NELL1: variants seen among roughly 807,000 people sequenced by gnomAD.
The protein encoded by NELL1 is protein kinase C-binding protein NELL1.
A neutral mutation model predicts 107.4 loss-of-function variants in NELL1; 76 were observed. The ratio of observed to expected loss-of-function variants is 0.71; its 90% CI spans 0.59 to 0.86. NELL1 has a LOEUF of 0.86. NELL1 is among the 40% of genes least tolerant of loss of function. The probability of loss-of-function intolerance (pLI) is 0.00; values close to 1 mark genes in which losing one functional copy is unlikely to be tolerated. For missense variants in NELL1, 1,024 were observed against 1,005.5 expected, an observed-to-expected ratio of 1.02 and a Z score of -0.25; for synonymous variants, 353 against 341.2, an observed-to-expected ratio of 1.03 and a Z score of -0.38.
At chr11:21,066,425 A>T (rs1200409648) in intron 12 of NELL1, among the ~76,000 whole-genome samples, 2 of 152,210 alleles carry the variant, frequency 1.3e-5, no homozygotes, top group Non-Finnish European at 2.9e-5. Flanking sequence ...TAAATACAAC[A>T]TAAAAAAGTA....
intron 13 of NELL1, among the ~76,000 whole-genome samples, chr11:21,147,709 G>A (rs1430138871): frequency 6.6e-6 from 1 of 151,626 alleles, no homozygotes. Flanking sequence ...GGTGGTGCAT[G>A]CCTGTAATCC....
chr11:21,023,424 C>A (rs1474866830), intron 12 of NELL1, among the ~76,000 whole-genome samples: 1 of 152,028 alleles, frequency 6.6e-6, no homozygotes, highest in African/African-American at 2.4e-5. Context: ...TATTTTGATT[C>A]AAAATTATGT....
At chr11:21,359,746 C>T (rs1037623116) in intron 14 of NELL1, among the ~76,000 whole-genome samples, 6 of 152,086 alleles carry the variant, frequency 3.9e-5, no homozygotes, top group African/African-American at 1.4e-4. Flanking sequence ...GGAACTTATC[C>T]ATCTCCTCTA....
chr11:21,431,855 A>G (rs1443158709), intron 15 of NELL1, among the ~76,000 whole-genome samples: 3 of 152,048 alleles, frequency 2.0e-5, no homozygotes, highest in African/African-American at 7.2e-5. Context: ...GAGTAAAGTT[A>G]AGCATGTATG....
At chr11:20,866,150 C>T (rs747182471) in intron 4 of NELL1, among the ~76,000 whole-genome samples, 4 of 152,290 alleles carry the variant, frequency 2.6e-5, no homozygotes, top group African/African-American at 4.8e-5. Context: ...CTCTGTGATG[C>T]GCAAGGAGCT....
intron 2 of NELL1, among the ~76,000 whole-genome samples, chr11:20,763,935 C>T (rs1314075719): frequency 6.6e-6 from 1 of 152,220 alleles, no homozygotes; most frequent in Non-Finnish European, 1.5e-5. Flanking sequence ...AGCCAGGTAA[C>T]AGCTGAGTGA....
chr11:21,072,405 T>G (rs1854036902), intron 12 of NELL1, among the ~76,000 whole-genome samples: 1 of 152,196 alleles, frequency 6.6e-6, no homozygotes, highest in African/African-American at 2.4e-5. Context: ...TCTCTGGGTT[T>G]TATTTACAAT....
At chr11:21,569,943 C>T (rs924106710) in intron 17 of NELL1, among the ~76,000 whole-genome samples, 1 of 151,702 alleles carries the variant, frequency 6.6e-6, no homozygotes, top group African/African-American at 2.4e-5. Flanking sequence ...TGATGACAGA[C>T]AGGTCTTACC....
At chr11:21,066,528 T>C (rs1435952222) in intron 12 of NELL1, among the ~76,000 whole-genome samples, 2 of 152,230 alleles carry the variant, frequency 1.3e-5, no homozygotes, top group African/African-American at 4.8e-5. Context: ...AGTTAATTTA[T>C]TTCTCTCTGT....
chr11:21,481,843 C>T (rs570215418), intron 15 of NELL1, among the ~76,000 whole-genome samples: 1 of 152,250 alleles, frequency 6.6e-6, no homozygotes, highest in South Asian at 2.1e-4. Flanking sequence ...AAAGAGTATG[C>T]CATAGCTCCG....
intron 4 of NELL1, among the ~76,000 whole-genome samples, chr11:20,880,937 C>T (rs1419126139): frequency 3.3e-5 from 5 of 152,018 alleles, no homozygotes; most frequent in East Asian, 1.9e-4. Context: ...AATTATTTTT[C>T]GGTGGGGTGG....
chr11:21,320,967 G>C (rs748884855), intron 14 of NELL1, among the ~76,000 whole-genome samples: 1 of 152,196 alleles, frequency 6.6e-6, no homozygotes. Flanking sequence ...ATATGCAAAT[G>C]TGTGCCTGGA....
chr11:21,358,682 G>A (rs1237797446), intron 14 of NELL1, among the ~76,000 whole-genome samples: 2 of 149,396 alleles, frequency 1.3e-5, no homozygotes, highest in African/African-American at 2.5e-5. Flanking sequence ...CTCCCAAAGT[G>A]GTGGGATTAC....
intron 2 of NELL1, among the ~76,000 whole-genome samples, chr11:20,778,310 A>G (rs1856787043): frequency 6.6e-6 from 1 of 152,110 alleles, no homozygotes; most frequent in African/African-American, 2.4e-5. Context: ...TTATTTCCCC[A>G]GTGCCAACCA....
intron 12 of NELL1, among the ~76,000 whole-genome samples, chr11:20,993,725 C>G (rs1039450280): frequency 6.6e-6 from 1 of 152,038 alleles, no homozygotes. Context: ...AGTTATTATA[C>G]TGCATTGTTT....
At chr11:21,377,759 G>A (rs1042272814) in intron 15 of NELL1, among the ~76,000 whole-genome samples, 43 of 152,096 alleles carry the variant, frequency 2.8e-4, no homozygotes, top group African/African-American at 9.9e-4. Flanking sequence ...CTCTGATTCA[G>A]TATTGGGAGA....
At chr11:20,847,889 A>G (rs1366687873) in intron 4 of NELL1, 136 bp downstream of exon 4, 3 of 882,084 alleles carry the variant, frequency 3.4e-6, no homozygotes, top group Non-Finnish European at 5.1e-6. Context: ...TAACCTACCA[A>G]ATGGGACCTT....
chr11:21,045,932 A>G (rs796924359), intron 12 of NELL1, among the ~76,000 whole-genome samples: 11 of 152,216 alleles, frequency 7.2e-5, no homozygotes, highest in African/African-American at 2.4e-4. Flanking sequence ...TTTCTTGTTA[A>G]TGTTATTTCT....
At chr11:21,394,725 C>T (rs1232268492) in intron 15 of NELL1, among the ~76,000 whole-genome samples, 2 of 151,422 alleles carry the variant, frequency 1.3e-5, no homozygotes, top group African/African-American at 2.4e-5. Flanking sequence ...ATGTCAGTCT[C>T]TACTAGTGTC....
Sources: allele counts gnomAD v4.1 joint callset (sites outside exome capture counted in the v4.1 genomes callset), GRCh38; gene constraint gnomAD v4.1.1; transcripts MANE v1.5; gene names NCBI Gene and HGNC (gene_info 2026-07-23, HGNC 2026-07-21).